The following MAML2 variants were observed in gnomAD, a reference collection of about 807,000 sequenced individuals.
MAML2 encodes mastermind like transcriptional coactivator 2.
MAML2 carries 22 observed loss-of-function variants against 96.1 expected under a neutral mutation model. That is an observed-to-expected ratio of 0.23 (90% CI 0.16 to 0.33). The LOEUF (loss-of-function observed/expected upper bound fraction) is 0.33, where lower values mean the gene tolerates loss of function less well. Among genes scored for constraint, MAML2 ranks in the 10% least tolerant of loss-of-function variants. The pLI is 1.00. For missense variants in MAML2, 1,367 were observed against 1,392.4 expected (o/e 0.98, Z 0.29); for synonymous variants, 561 against 521.3 (o/e 1.08, Z -1.04).
chr11:96,218,394 C>T lies in MAML2; in HGVS notation c.513+122989G>A, dbSNP rs1032521681. On this transcript the variant is annotated intron_variant, in intron 1 of 4. Coordinates refer to ENST00000524717, the MANE Select transcript of MAML2 (RefSeq NM_032427.4). ...CTTGGAAATCCAGTTTTCAGCATGT[C>T]TTTTTTTATCCTCAGCGTACACAGC... is the stretch of plus-strand genomic sequence containing the variant. Among the ~76,000 whole-genome samples the T allele has an allele frequency of 3.3e-5, 5 of 152,120 alleles. No homozygotes were observed. The South Asian group carries it at 1.0e-3, about 31-fold the overall frequency.
Position 96,092,910 on chromosome 11 carries a change from T to C in MAML2, c.1121A>G (p.Gln374Arg). The C allele has an allele frequency of 6.2e-7, 1 of 1,605,762 alleles. No homozygotes were observed. Among genetic ancestry groups the C allele is most frequent in the South Asian group, 1.1e-5 (1 of 89,354 alleles). ...IKSEYSPGLT[Q>R]GPSGSPQLRP... ...CAGCTGAGGAGAGCCTGAGGGGCCC[T>C]GAGTCAAGCCCGGTGAGTATTCACT... is the stretch of plus-strand genomic sequence containing the variant. The change falls in exon 2 of 5, where the codon CAG (glutamine) becomes CGG (arginine). Residue 374 changes from glutamine (Q) to arginine (R), a missense_variant. By Grantham distance (43) the Gln-to-Arg change is conservative. Transcript: ENST00000524717. This position sits in a 1 kb window ranked among gnomAD's most constrained non-coding sequence, Gnocchi z 4.1.
At position 96,093,365 on chromosome 11, in the gene MAML2, G is replaced by T. The variant is rs777236597; in HGVS notation, c.666C>A (p.Asn222Lys). 6.2e-7 allele frequency: 1 copy of T among 1,613,990 alleles called. No homozygotes were observed. Among genetic ancestry groups the T allele is most frequent in the South Asian group, 1.1e-5 (1 of 91,088 alleles). ...LSAGQGGLQINNGQSQIMSGT... is the reference protein window; with the variant it reads ...LSAGQGGLQIKNGQSQIMSGT... ...CTGACATAATCTGACTTTGTCCATT[G>T]TTTATTTGGAGGCCACCTTGTCCTG... Residue 222 changes from asparagine (N) to lysine (K), a missense_variant, in exon 2 of 5, where the codon AAC becomes AAA. Asn to Lys is a moderately conservative substitution (Grantham distance 94). Coordinates refer to ENST00000524717, the MANE Select transcript of MAML2 (RefSeq NM_032427.4).
chr11:96,014,613 TTC>T (rs1228565276), intron 2 of MAML2, among the ~76,000 whole-genome samples: 1 of 152,238 alleles, frequency 6.6e-6, no homozygotes. Flanking sequence ...CTCTAACTGG[TTC>T]TGTGTTATCT....
intron 1 of MAML2, among the ~76,000 whole-genome samples, chr11:96,244,312 C>T (rs779460550): frequency 8.5e-5 from 13 of 152,192 alleles, no homozygotes; most frequent in Non-Finnish European, 1.6e-4. Flanking sequence ...ACTGGCTGCC[C>T]TATTATGACG....
intron 1 of MAML2, among the ~76,000 whole-genome samples, chr11:96,245,515 T>C (rs572600208): frequency 6.6e-6 from 1 of 152,230 alleles, no homozygotes; most frequent in South Asian, 2.1e-4. Flanking sequence ...AATTCCTGAG[T>C]ATACAGGGCA....
intron 1 of MAML2, among the ~76,000 whole-genome samples, chr11:96,285,858 G>C (rs1460398662): frequency 6.6e-6 from 1 of 152,164 alleles, no homozygotes; most frequent in Non-Finnish European, 1.5e-5. Context: ...AAAAAGGAAT[G>C]CTTCTATGCT....
intron 2 of MAML2, among the ~76,000 whole-genome samples, chr11:96,012,079 C>A (rs547161779): frequency 4.6e-5 from 7 of 152,224 alleles, no homozygotes; most frequent in African/African-American, 1.7e-4. Flanking sequence ...ATCTCATATG[C>A]CAAAATTCAG....
chr11:96,203,325 T>A (rs970502510), intron 1 of MAML2, among the ~76,000 whole-genome samples: 2 of 152,232 alleles, frequency 1.3e-5, no homozygotes, highest in African/African-American at 4.8e-5. Context: ...TTTTAATGAT[T>A]TTTCAAATAA....
At chr11:96,180,859 G>A (rs1861472740) in intron 1 of MAML2, among the ~76,000 whole-genome samples, 1 of 152,076 alleles carries the variant, frequency 6.6e-6, no homozygotes, top group African/African-American at 2.4e-5. Flanking sequence ...AGATAAGGGT[G>A]GGGCCGTTTT....
chr11:96,071,469 A>G (rs1859343967), intron 2 of MAML2, among the ~76,000 whole-genome samples: 1 of 152,256 alleles, frequency 6.6e-6, no homozygotes, highest in South Asian at 2.1e-4. Context: ...CCCACAGTGT[A>G]GCCTGGAGTG....
At chr11:96,282,006 T>A (rs1384048733) in intron 1 of MAML2, among the ~76,000 whole-genome samples, 1 of 152,020 alleles carries the variant, frequency 6.6e-6, no homozygotes, top group East Asian at 1.9e-4. Flanking sequence ...TCCCAGCACT[T>A]TGGGAGGCCG....
chr11:96,263,709 G>A lies in MAML2; in HGVS notation c.513+77674C>T, dbSNP rs186738161. 9.2e-5 allele frequency among the ~76,000 whole-genome samples: 14 copies of A among 152,346 alleles called. 1 individual carries two copies. The highest frequency in any genetic ancestry group is 3.4e-3 in the Middle Eastern group (1 of 294). On this transcript the variant is annotated intron_variant, in intron 1 of 4. Coordinates refer to ENST00000524717, the MANE Select transcript of MAML2 (RefSeq NM_032427.4). ...TAGCCACAAGGGAAATTCCTTTTGA[G>A]TCTGTACTTGGGCTCAGCAGGTATG...
At chr11:96,043,660 T>C (rs905630549) in intron 2 of MAML2, among the ~76,000 whole-genome samples, 2 of 152,208 alleles carry the variant, frequency 1.3e-5, no homozygotes, top group African/African-American at 2.4e-5. Flanking sequence ...AAAAACTAAA[T>C]GGATGATAGA....
chr11:96,116,457 A>G (rs1164940206), intron 1 of MAML2, among the ~76,000 whole-genome samples: 1 of 152,212 alleles, frequency 6.6e-6, no homozygotes, highest in Non-Finnish European at 1.5e-5. Flanking sequence ...ACGCAAACAG[A>G]GTCAGCCTGT....
intron 2 of MAML2, among the ~76,000 whole-genome samples, chr11:96,067,589 G>GT (rs1272271374): frequency 8.6e-5 from 5 of 57,926 alleles, no homozygotes; most frequent in Non-Finnish European, 2.8e-4. Context: ...TATCCCATTT[G>GT]GTTTTTTTTT....
At chr11:96,051,819 T>C (rs777067001) in intron 2 of MAML2, among the ~76,000 whole-genome samples, 5 of 152,178 alleles carry the variant, frequency 3.3e-5, no homozygotes, top group Non-Finnish European at 7.4e-5. Context: ...TAATTGTCTA[T>C]CAGTTTTATG....
intron 1 of MAML2, among the ~76,000 whole-genome samples, chr11:96,329,574 T>C (rs886561023): frequency 2.0e-5 from 3 of 152,164 alleles, no homozygotes; most frequent in Non-Finnish European, 2.9e-5. Context: ...ACATACCAAG[T>C]GCCACTTACT....
At chr11:96,097,037 T>A (rs1027147378) in intron 1 of MAML2, among the ~76,000 whole-genome samples, 2 of 152,170 alleles carry the variant, frequency 1.3e-5, no homozygotes, top group Non-Finnish European at 2.9e-5. Flanking sequence ...AATGCCTACA[T>A]GCAGTAGGCA....
chr11:96,250,294 T>A (rs891610777), intron 1 of MAML2, among the ~76,000 whole-genome samples: 4 of 121,354 alleles, frequency 3.3e-5, no homozygotes, highest in South Asian at 5.2e-4. Flanking sequence ...TTGAAAAAAA[T>A]GTACATATTC....
Sources: allele counts gnomAD v4.1 joint callset (sites outside exome capture counted in the v4.1 genomes callset), GRCh38; gene constraint gnomAD v4.1.1; non-coding constraint Gnocchi (gnomAD v3.1); transcripts MANE v1.5; gene names NCBI Gene and HGNC (gene_info 2026-07-23, HGNC 2026-07-21).